LGSN: variants seen among roughly 807,000 people sequenced by gnomAD.
LGSN encodes the protein lengsin, lens protein with glutamine synthetase domain.
In LGSN, 21 loss-of-function variants were observed where a neutral mutation model predicts 19.5. The observed-to-expected ratio is 1.07, with a 90% CI of 0.76 to 1.55. LGSN has a LOEUF of 1.55. LGSN is among the 40% of genes most tolerant of loss of function. The pLI, the probability that LGSN is intolerant of heterozygous loss-of-function variation, is 0.00. For missense variants in LGSN, 673 were observed against 608.5 expected, an observed-to-expected ratio of 1.11 and a Z score of -1.12; for synonymous variants, 257 against 215.6, an observed-to-expected ratio of 1.19 and a Z score of -1.68.
the LGSN span, among the ~76,000 whole-genome samples, chr6:63,450,193 CAAAAA>C: frequency 9.5e-5 from 9 of 94,778 alleles, no homozygotes; most frequent in Middle Eastern, 5.2e-3. Flanking sequence ...CTAAAAAATG[CAAAAA>C]AAAAAAAAAA....
chr6:63,452,524 A>G, the LGSN span, among the ~76,000 whole-genome samples: 4 of 152,300 alleles, frequency 2.6e-5, no homozygotes, highest in Admixed American at 2.0e-4. Context: ...TGTGACTTCA[A>G]AGGAATTTGC....
chr6:63,560,498 G>C, the LGSN span, among the ~76,000 whole-genome samples: 1 of 150,470 alleles, frequency 6.6e-6, no homozygotes, highest in African/African-American at 2.4e-5. Context: ...TGCCTCCCGA[G>C]TTCAAGTGAT....
chr6:63,440,341 T>G, the LGSN span, among the ~76,000 whole-genome samples: 1 of 152,178 alleles, frequency 6.6e-6, no homozygotes, highest in Non-Finnish European at 1.5e-5. Flanking sequence ...CCTCAGTTCC[T>G]GTGTGGTGAC....
chr6:63,554,689 A>C, the LGSN span, among the ~76,000 whole-genome samples: 1 of 152,172 alleles, frequency 6.6e-6, no homozygotes. Flanking sequence ...GGAGAGGCTG[A>C]GGCACAAGAG....
chr6:63,430,674 C>A, the LGSN span, among the ~76,000 whole-genome samples: 1 of 152,130 alleles, frequency 6.6e-6, no homozygotes, highest in Non-Finnish European at 1.5e-5. Context: ...AGGCATGAAC[C>A]ACTGCATCCA....
chr6:63,572,765 C>CCGGCCCCCCATCCCCGCT, the LGSN span: 1 of 398,374 alleles, frequency 2.5e-6, no homozygotes, highest in Non-Finnish European at 4.4e-6. Context: ...GAATCCACGA[C>CCGGCCCCCCATCCCCGCT]CGGCCCCCCA....
the LGSN span, among the ~76,000 whole-genome samples, chr6:63,557,650 G>A: frequency 6.6e-6 from 1 of 152,148 alleles, no homozygotes; most frequent in African/African-American, 2.4e-5. Flanking sequence ...CAGATACAAA[G>A]CCATGGAGGT....
chr6:63,522,989 G>A, the LGSN span, among the ~76,000 whole-genome samples: 10 of 151,014 alleles, frequency 6.6e-5, no homozygotes, highest in South Asian at 8.4e-4. Flanking sequence ...CACAGCCTCC[G>A]GAGTAGCTGG....
chr6:63,366,815 A>C, the LGSN span, among the ~76,000 whole-genome samples: 1 of 151,854 alleles, frequency 6.6e-6, no homozygotes, highest in Non-Finnish European at 1.5e-5. Context: ...TCTTTGACAA[A>C]CCTGACGAAA....
chr6:63,359,468 T>A, the LGSN span, among the ~76,000 whole-genome samples: 4 of 152,148 alleles, frequency 2.6e-5, no homozygotes, highest in East Asian at 7.7e-4. Flanking sequence ...GGTCCTGGAC[T>A]TTTTTTGGTT....
chr6:63,371,494 G>T, the LGSN span, among the ~76,000 whole-genome samples: 23 of 152,286 alleles, frequency 1.5e-4, no homozygotes, highest in African/African-American at 5.1e-4. Flanking sequence ...GAAATAGATG[G>T]AATATAAATA....
chr6:63,390,474 A>T, the LGSN span, among the ~76,000 whole-genome samples: 1 of 151,578 alleles, frequency 6.6e-6, no homozygotes, highest in East Asian at 1.9e-4. Flanking sequence ...AGAATGCATG[A>T]CCTATTGCCA....
At position 63,279,904 on chromosome 6, in the gene LGSN, G is replaced by A; in HGVS notation, c.*117C>T. 1 of 983,850 alleles carries A rather than the reference G, an allele frequency of 1.0e-6. No individual in the cohort carries two copies. The highest frequency in any genetic ancestry group is 1.5e-6 in the Non-Finnish European group (1 of 661,882). The allele number at this position is 983,850 out of a possible 1,614,324, so 60.9% of individuals were successfully genotyped here. ...CCATGGACAAAAAAAAAAGTCAAAA[G>A]CATTCGTAATCTTGTTATTGTTGCT... On this transcript the variant is annotated 3_prime_UTR_variant, in exon 4 of 4. Transcript: ENST00000370657.
the LGSN span, among the ~76,000 whole-genome samples, chr6:63,380,485 G>A: frequency 6.6e-5 from 10 of 152,158 alleles, no homozygotes; most frequent in East Asian, 1.9e-4. Flanking sequence ...GGTAGACAGC[G>A]TCATAAGCAT....
At chr6:63,468,268 C>T in the LGSN span, among the ~76,000 whole-genome samples, 1 of 151,938 alleles carries the variant, frequency 6.6e-6, no homozygotes. Context: ...AGCTGGATTA[C>T]AGGCCCCCAC....
chr6:63,572,855 G>A, the LGSN span: 2 of 394,174 alleles, frequency 5.1e-6, no homozygotes, highest in Non-Finnish European at 9.0e-6. Context: ...TCCCGGGTGG[G>A]AGCGGGCGGG....
chr6:63,491,002 A>C, the LGSN span, among the ~76,000 whole-genome samples: 1 of 152,218 alleles, frequency 6.6e-6, no homozygotes, highest in Admixed American at 6.5e-5. Context: ...AACGGGTTGA[A>C]TGATGCCTGC....
the LGSN span, among the ~76,000 whole-genome samples, chr6:63,462,484 A>C: frequency 6.6e-6 from 1 of 152,172 alleles, no homozygotes; most frequent in Non-Finnish European, 1.5e-5. Context: ...AATACAAAAA[A>C]AAATCAGTTG....
At chr6:63,485,693 T>C in the LGSN span, among the ~76,000 whole-genome samples, 1 of 152,260 alleles carries the variant, frequency 6.6e-6, no homozygotes, top group African/African-American at 2.4e-5. Flanking sequence ...CTCTCCAGCA[T>C]CTGTTATTTT....
Sources: allele counts gnomAD v4.1 joint callset (sites outside exome capture counted in the v4.1 genomes callset), GRCh38; gene constraint gnomAD v4.1.1; transcripts MANE v1.5; gene names NCBI Gene and HGNC (gene_info 2026-07-23, HGNC 2026-07-21).